Variants in COL6A5 observed in about 807,000 individuals in gnomAD.
COL6A5 encodes the protein collagen alpha-5(VI) chain.
Under a neutral mutation model 65.6 loss-of-function variants are expected in COL6A5, and 48 were observed. The observed-to-expected ratio is 0.73, with a 90% confidence interval of 0.58 to 0.93. COL6A5 has a LOEUF of 0.93. COL6A5 is among the 40% of genes least tolerant of loss of function. The pLI is 0.00. For synonymous variants in COL6A5, 291 were observed against 322.8 expected (o/e 0.90, Z 1.05); for missense variants, 914 against 928.3 (o/e 0.98, Z 0.20).
exon 8 of COL6A5, chr3:130,395,391 A>G (rs1936559711): frequency 6.5e-7 from 1 of 1,547,820 alleles, no homozygotes; most frequent in African/African-American, 1.4e-5. Context: ...ACTTTTCAAG[A>G]CTTTGATAAA....
At chr3:130,426,166 G>T (rs745530301) in intron 29 of COL6A5, 48 bp from the exon 30 acceptor site, 2 of 1,532,098 alleles carry the variant, frequency 1.3e-6, no homozygotes, top group East Asian at 4.9e-5. Flanking sequence ...AAAGACTAAA[G>T]ACTTCAGTTG....
Position 130,373,605 on chromosome 3 carries a change from T to C in COL6A5, c.-28-6T>C. On this transcript the variant is annotated splice_region_variant and splice_polypyrimidine_tract_variant and intron_variant and NMD_transcript_variant, in intron 1 of 41. Coordinates refer to the COL6A5 transcript ENST00000312481. Reference sequence around the variant, plus strand: ...TTTTCATAATGTAAATAATTTTCTTTTGCAGAACAAAAGTAAAAATCTTCA... The same window carrying C: ...TTTTCATAATGTAAATAATTTTCTTCTGCAGAACAAAAGTAAAAATCTTCA... 1 of 1,315,616 alleles carries C rather than the reference T, an allele frequency of 7.6e-7. No homozygotes were observed. The highest frequency in any genetic ancestry group is 2.5e-5 in the East Asian group (1 of 39,696). 81.5% of individuals were successfully genotyped at this position (1,315,616 alleles called of 1,614,324 possible).
chr3:130,439,078 C>A (rs1487212616), intron 1 of COL6A5, among the ~76,000 whole-genome samples: 1 of 152,060 alleles, frequency 6.6e-6, no homozygotes, highest in Non-Finnish European at 1.5e-5. Flanking sequence ...CCCACGGAGG[C>A]CAAAGGAAGC....
In COL6A5 at chr3:130,408,928, C is replaced by T. The variant is rs567620895; in HGVS notation, c.4480-398C>T. 2.1e-3 allele frequency among the ~76,000 whole-genome samples: 326 copies of T among 152,262 alleles called. 1 individual carries two copies. Among genetic ancestry groups the T allele is most frequent in the African/African-American group, 7.3e-3 (302 of 41,572 alleles). Reference sequence around the variant, plus strand: ...GGATGTCCAATACCATAGCCACTAACCACATGTGATTATTTAAAGTTTAAT... The same window carrying T: ...GGATGTCCAATACCATAGCCACTAATCACATGTGATTATTTAAAGTTTAAT... On this transcript the variant is annotated intron_variant and NMD_transcript_variant, in intron 17 of 41. Coordinates refer to the COL6A5 transcript ENST00000312481.
chr3:130,368,544 A>AGTGTGT (rs111253199), intron 1 of COL6A5, among the ~76,000 whole-genome samples: 2 of 150,528 alleles, frequency 1.3e-5, no homozygotes, highest in African/African-American at 5.0e-5. Flanking sequence ...TGTGTGTGAG[A>AGTGTGT]GAGTGTGTGT....
At chr3:130,402,143 A>G (rs1936837947) in intron 12 of COL6A5, among the ~76,000 whole-genome samples, 1 of 152,194 alleles carries the variant, frequency 6.6e-6, no homozygotes, top group Admixed American at 6.5e-5. Context: ...TAAGAAGTAA[A>G]AAATAGTGGA....
At chr3:130,484,186 A>G (rs1710319777) in exon 8 of COL6A5, 1 of 773,666 alleles carries the variant, frequency 1.3e-6, no homozygotes, top group Non-Finnish European at 1.9e-6. Flanking sequence ...GGCTAATAGC[A>G]TGCTAAATTT....
chr3:130,480,557 ATGG>A (rs897096761), intron 7 of COL6A5, among the ~76,000 whole-genome samples: 4 of 152,250 alleles, frequency 2.6e-5, no homozygotes, highest in South Asian at 2.1e-4. Flanking sequence ...TTAGTAAATA[ATGG>A]TGGACTCTGT....
intron 20 of COL6A5, among the ~76,000 whole-genome samples, chr3:130,411,988 G>A (rs1937190801): frequency 1.3e-5 from 2 of 152,220 alleles, no homozygotes; most frequent in South Asian, 2.1e-4. Flanking sequence ...CATCTTAAGT[G>A]GATGATAAAT....
intron 7 of COL6A5, among the ~76,000 whole-genome samples, chr3:130,393,999 C>T (rs888790856): frequency 7.3e-6 from 1 of 136,988 alleles, no homozygotes; most frequent in East Asian, 3.1e-4. Flanking sequence ...GTCTGCCACA[C>T]TACCCTTACA....
intron 1 of COL6A5, among the ~76,000 whole-genome samples, chr3:130,367,611 T>G (rs2107628577): frequency 6.6e-6 from 1 of 152,338 alleles, no homozygotes; most frequent in South Asian, 2.1e-4. Context: ...CCAGGCAAGC[T>G]TTTTGTCTGT....
chr3:130,479,555 A>G (rs1026368500), intron 7 of COL6A5, among the ~76,000 whole-genome samples: 19 of 152,252 alleles, frequency 1.2e-4, no homozygotes, highest in African/African-American at 4.1e-4. Context: ...CCCCAATACC[A>G]TAATTATTTC....
intron 3 of COL6A5, among the ~76,000 whole-genome samples, chr3:130,378,542 G>A (rs1468857099): frequency 1.3e-5 from 2 of 152,114 alleles, no homozygotes; most frequent in Admixed American, 6.6e-5. Flanking sequence ...AGCAACTGGA[G>A]TGGTATTTAA....
intron 7 of COL6A5, 143 bp from the exon 8 acceptor site, chr3:130,394,747 A>G: frequency 3.2e-6 from 2 of 617,494 alleles, no homozygotes; most frequent in Non-Finnish European, 5.5e-6. Context: ...TTTGAGGATC[A>G]GTGATTCTCT....
chr3:130,444,666 G>A lies in COL6A5; in HGVS notation c.1332+1100G>A, dbSNP rs533426776. The stretch of plus-strand genomic sequence containing the variant: ...TGGTCCAGCACACTAAAAACAAGCC[G>A]ATTAAACAGAGAAACATAATTCCAA... On this transcript the variant is annotated intron_variant, in intron 4 of 7. Transcript: ENST00000512836. Among the ~76,000 whole-genome samples the A allele has an allele frequency of 3.3e-5, 5 of 152,158 alleles. No individual in the cohort carries two copies. In the East Asian group the frequency reaches 5.8e-4, roughly 18 times the overall value.
At chr3:130,376,630 C>T (rs533903220) in exon 3 of COL6A5, 23 of 1,611,458 alleles carry the variant, frequency 1.4e-5, no homozygotes, top group East Asian at 6.7e-5. Context: ...GAAGAGGCTT[C>T]GAAAGCCCTG....
At chr3:130,484,085 C>T (rs1710317736) in exon 8 of COL6A5, 2 of 1,597,768 alleles carry the variant, frequency 1.3e-6, no homozygotes, top group Admixed American at 1.7e-5. Context: ...GCTCCACTGA[C>T]ATGTATAATC....
chr3:130,377,768 A>G (rs1313284758), intron 3 of COL6A5, among the ~76,000 whole-genome samples: 1 of 152,162 alleles, frequency 6.6e-6, no homozygotes, highest in Non-Finnish European at 1.5e-5. Context: ...AGTGTCTATC[A>G]TATAATATGA....
At chr3:130,377,858 G>C (rs1935843001) in intron 3 of COL6A5, among the ~76,000 whole-genome samples, 1 of 152,162 alleles carries the variant, frequency 6.6e-6, no homozygotes, top group South Asian at 2.1e-4. Context: ...ATACTAACCT[G>C]AGAAGGTCAT....
Sources: gnomAD v4.1 joint callset for allele counts (sites outside exome capture counted in the v4.1 genomes callset) on GRCh38, gnomAD v4.1.1 for gene constraint, MANE v1.5 for transcripts, NCBI Gene and HGNC (gene_info 2026-07-23, HGNC 2026-07-21) for gene names.